The following MAPK4 variants were observed in gnomAD, a reference collection of about 807,000 sequenced individuals.
MAPK4 encodes the protein Erk3-related.
In MAPK4, 22 loss-of-function variants were observed where a neutral mutation model predicts 47.7. The ratio of observed to expected loss-of-function variants is 0.46; its 90% confidence interval spans 0.33 to 0.66. MAPK4 has a LOEUF of 0.66. MAPK4 is among the 30% of genes least tolerant of loss of function. MAPK4 has a pLI of 0.02. For missense variants in MAPK4, 736 were observed against 831.7 expected, an observed-to-expected ratio of 0.88 and a Z score of 1.42; for synonymous variants, 390 against 365.7, an observed-to-expected ratio of 1.07 and a Z score of -0.76.
chr18:50,726,001 T>TGGATCG lies in MAPK4; in HGVS notation c.894_899dup (p.Asp299_Arg300dup). 4.3e-6 allele frequency: 7 copies of TGGATCG among 1,614,124 alleles called. No individual in the cohort carries two copies. The highest frequency in any genetic ancestry group is 1.3e-5 in the African/African-American group (1 of 75,014). On this transcript the variant is annotated inframe_insertion, in exon 5 of 6. Transcript: ENST00000400384. ...GAGAAGATCCTGACCTTTAACCCCA[T>TGGATCG]GGATCGCCTAACAGCTGAGATGGGG...
intron 2 of MAPK4, among the ~76,000 whole-genome samples, chr18:50,706,463 T>G (rs912285334): frequency 7.9e-5 from 12 of 151,192 alleles, no homozygotes; most frequent in East Asian, 3.9e-4. Flanking sequence ...GTCAGTTTTT[T>G]TTTTTTTTTA....
At chr18:50,605,977 A>G (rs2042579918) in intron 1 of MAPK4, among the ~76,000 whole-genome samples, 1 of 150,630 alleles carries the variant, frequency 6.6e-6, no homozygotes, top group Non-Finnish European at 1.5e-5. Context: ...TGCTTTGGCA[A>G]GGCATCCTGA....
Position 50,662,222 on chromosome 18 carries a change from G to A in MAPK4, c.-870-867G>A, listed in dbSNP as rs560127440. Among the ~76,000 whole-genome samples, 14 of 152,298 alleles carry A rather than the reference G, an allele frequency of 9.2e-5. No individual in the cohort carries two copies. The East Asian group carries it at 2.7e-3, about 29-fold the overall frequency. ...TTCTTTGTGTGTCTGTGGTCTTTAT[G>A]AACTTAGAAAACCTGCCAGTCTCTT... On this transcript the variant is annotated intron_variant, in intron 1 of 5. Transcript: ENST00000400384.
At chr18:50,562,479 G>C (rs2042162488) in intron 1 of MAPK4, among the ~76,000 whole-genome samples, 1 of 151,890 alleles carries the variant, frequency 6.6e-6, no homozygotes, top group South Asian at 2.1e-4. Context: ...GGAAGGGAGA[G>C]GGAAGCATGA....
At chr18:50,685,091 G>C (rs1908800328) in intron 2 of MAPK4, among the ~76,000 whole-genome samples, 1 of 152,178 alleles carries the variant, frequency 6.6e-6, no homozygotes, top group African/African-American at 2.4e-5. Context: ...GCTCCTTTGG[G>C]AACAAAACCT....
At chr18:50,724,555 C>G (rs1911094332) in intron 4 of MAPK4, among the ~76,000 whole-genome samples, 1 of 152,202 alleles carries the variant, frequency 6.6e-6, no homozygotes, top group Non-Finnish European at 1.5e-5. Flanking sequence ...TCAGGCAGAT[C>G]CTCTTTTAAG....
chr18:50,655,486 T>C (rs1367007648), intron 1 of MAPK4, among the ~76,000 whole-genome samples: 1 of 152,080 alleles, frequency 6.6e-6, no homozygotes. Flanking sequence ...ATATCAGGGT[T>C]TCTGCAAAGG....
chr18:50,640,656 G>A (rs1465158693), intron 1 of MAPK4, among the ~76,000 whole-genome samples: 5 of 152,088 alleles, frequency 3.3e-5, no homozygotes, highest in Admixed American at 1.3e-4. Context: ...AGTAGAGATG[G>A]GGTTTCACCA....
chr18:50,618,977 A>G (rs1016523005), intron 1 of MAPK4, among the ~76,000 whole-genome samples: 1 of 152,146 alleles, frequency 6.6e-6, no homozygotes, highest in Admixed American at 6.5e-5. Context: ...TCTACGACCT[A>G]GATTGGTTAA....
At chr18:50,694,447 A>C (rs1226804310) in intron 2 of MAPK4, among the ~76,000 whole-genome samples, 3 of 152,180 alleles carry the variant, frequency 2.0e-5, no homozygotes, top group Non-Finnish European at 4.4e-5. Flanking sequence ...AATGAACTCC[A>C]CTAAGAAAGC....
chr18:50,576,878 A>G (rs1449599867), intron 1 of MAPK4, among the ~76,000 whole-genome samples: 1 of 152,234 alleles, frequency 6.6e-6, no homozygotes, highest in East Asian at 1.9e-4. Context: ...ATAGTTGGAA[A>G]GGACCTCATG....
chr18:50,560,068 C>A (rs1312642047), upstream of MAPK4: 3 of 147,832 alleles, frequency 2.0e-5, no homozygotes, highest in Admixed American at 6.7e-5. Flanking sequence ...AGGCTGGGGC[C>A]GGGGCCGGGG....
At chr18:50,699,188 A>T (rs942326664) in intron 2 of MAPK4, among the ~76,000 whole-genome samples, 11 of 152,248 alleles carry the variant, frequency 7.2e-5, no homozygotes, top group Non-Finnish European at 1.5e-4. Flanking sequence ...CAGAAAAAGC[A>T]TTCTAGCAAA....
rs1325467796 is a variant in MAPK4, at chr18:50,689,410, A to G, written c.546+24906A>G. 3.3e-5 allele frequency among the ~76,000 whole-genome samples: 5 copies of G among 151,302 alleles called. No homozygotes were observed. The East Asian group carries it at 5.8e-4, about 18-fold the overall frequency. On this transcript the variant is annotated intron_variant, in intron 2 of 5. Transcript: ENST00000400384. ...GAGTTTTGAAACTCCATCTTAAAAA[A>G]AAAAAAAAAAAAAAAAAAGCTATTC...
Position 50,700,243 on chromosome 18 carries a change from G to C in MAPK4, c.547-14836G>C, listed in dbSNP as rs1046831853. 3.3e-5 allele frequency among the ~76,000 whole-genome samples: 5 copies of C among 152,160 alleles called. 1 individual carries two copies. The highest frequency in any genetic ancestry group is 3.3e-4 in the Admixed American group (5 of 15,278). On this transcript the variant is annotated intron_variant, in intron 2 of 5. Coordinates refer to ENST00000400384, the MANE Select transcript of MAPK4 (RefSeq NM_002747.4). ...TTCCAGGAGCCCACCATGAATAACA[G>C]ACACTCCTGTCACTCAGGAAATTCC... is the stretch of plus-strand genomic sequence containing the variant.
chr18:50,660,044 A>T (rs988331205), intron 1 of MAPK4, among the ~76,000 whole-genome samples: 1 of 152,250 alleles, frequency 6.6e-6, no homozygotes, highest in African/African-American at 2.4e-5. Context: ...CATGCAAGAA[A>T]TGGACCACTA....
intron 5 of MAPK4, among the ~76,000 whole-genome samples, chr18:50,727,098 T>C (rs1178795397): frequency 6.6e-6 from 1 of 152,194 alleles, no homozygotes; most frequent in Non-Finnish European, 1.5e-5. Flanking sequence ...CAGCGTTGGG[T>C]AGAAGATGTA....
At chr18:50,632,425 G>T (rs962632465) in intron 1 of MAPK4, among the ~76,000 whole-genome samples, 1 of 152,076 alleles carries the variant, frequency 6.6e-6, no homozygotes, top group Non-Finnish European at 1.5e-5. Context: ...ATGTCAAGAC[G>T]CTGCTCCTGA....
intron 1 of MAPK4, among the ~76,000 whole-genome samples, chr18:50,649,760 T>C (rs1171249351): frequency 6.6e-6 from 1 of 152,140 alleles, no homozygotes; most frequent in Non-Finnish European, 1.5e-5. Context: ...GCTGAGATCT[T>C]CCCCAGGCAG....
Sources: gnomAD v4.1 joint callset for allele counts (sites outside exome capture counted in the v4.1 genomes callset) on GRCh38, gnomAD v4.1.1 for gene constraint, MANE v1.5 for transcripts, NCBI Gene and HGNC (gene_info 2026-07-23, HGNC 2026-07-21) for gene names.